The following POLE2 variants were observed in gnomAD, a reference collection of about 807,000 sequenced individuals.
POLE2 encodes the protein DNA polymerase epsilon 2, accessory subunit, also known as DNA polymerase epsilon subunit 2.
A neutral mutation model predicts 79.4 loss-of-function variants in POLE2; 56 were observed. The ratio of observed to expected loss-of-function variants is 0.71; its 90% confidence interval spans 0.57 to 0.88. POLE2 has a LOEUF of 0.88. Ranked by LOEUF, POLE2 falls within the 40% of genes least tolerant of loss-of-function variation. The probability of loss-of-function intolerance (pLI) is 0.00; values close to 1 mark genes in which losing one functional copy is unlikely to be tolerated. For synonymous variants in POLE2, 212 were observed against 214.0 expected, an observed-to-expected ratio of 0.99 and a Z score of 0.08; for missense variants, 598 against 638.9, an observed-to-expected ratio of 0.94 and a Z score of 0.69.
chr14:49,674,204 G>T lies in POLE2; in HGVS notation c.336C>A (p.Thr112=). ...ERKKFLPLLM[T]NHPAPNLFGT... Reference sequence around the variant, plus strand: ...CAAATAAATTTGGTGCAGGGTGGTTGGTCATTAACAGACTAGAAAAAGAGA... The same window carrying T: ...CAAATAAATTTGGTGCAGGGTGGTTTGTCATTAACAGACTAGAAAAAGAGA... Residue 112 remains threonine (T), a synonymous_variant, in exon 5 of 19, where the codon ACC becomes ACA. Transcript: ENST00000216367. 1 of 1,609,548 alleles carries T rather than the reference G, an allele frequency of 6.2e-7. No individual in the cohort carries two copies. Among genetic ancestry groups the T allele is most frequent in the Non-Finnish European group, 8.5e-7 (1 of 1,176,068 alleles).
At chr14:49,661,190 C>T (rs1341467699) in intron 10 of POLE2, among the ~76,000 whole-genome samples, 1 of 150,782 alleles carries the variant, frequency 6.6e-6, no homozygotes, top group Non-Finnish European at 1.5e-5. Context: ...CAAATCGACA[C>T]TTCTTAACCT....
intron 3 of POLE2, among the ~76,000 whole-genome samples, chr14:49,678,145 A>G (rs1348080191): frequency 6.6e-6 from 1 of 151,912 alleles, no homozygotes; most frequent in Non-Finnish European, 1.5e-5. Context: ...GACTACAGGC[A>G]TGCACCACCA....
At chr14:49,674,823 C>G (rs918410120) in intron 3 of POLE2, among the ~76,000 whole-genome samples, 1 of 152,150 alleles carries the variant, frequency 6.6e-6, no homozygotes, top group Non-Finnish European at 1.5e-5. Context: ...ACCTCGGCCT[C>G]CCAAAGTACT....
At chr14:49,655,875 T>C in intron 10 of POLE2, 32 bp from the exon 11 acceptor site, 1 of 1,075,702 alleles carries the variant, frequency 9.3e-7, no homozygotes, top group Non-Finnish European at 1.4e-6. Context: ...ATCTTCTATA[T>C]ACCACTAGAG....
chr14:49,666,292 C>T, intron 7 of POLE2, 38 bp downstream of exon 7: 1 of 1,046,414 alleles, frequency 9.6e-7, no homozygotes, highest in South Asian at 1.4e-5. Flanking sequence ...TTCATCAATC[C>T]AAGGCCAAAA....
At chr14:49,661,385 C>T (rs1226910371) in intron 10 of POLE2, among the ~76,000 whole-genome samples, 1 of 152,028 alleles carries the variant, frequency 6.6e-6, no homozygotes, top group African/African-American at 2.4e-5. Flanking sequence ...TTCAAAGGTA[C>T]AGTAATAATT....
In POLE2 at chr14:49,674,142, C is replaced by T. The variant is rs773570956; in HGVS notation, c.398G>A (p.Arg133Gln). ...ACTTACCTGGTGCAAAATGGTATAT[C>T]GCTCACGAAACATCTCTGCTTTATC... ...PRDKAEMFRE[R>Q]YTILHQRTHR... Residue 133 changes from arginine to glutamine, a missense_variant, in exon 5 of 19, where the codon CGA becomes CAA. Physicochemically the swap from Arg to Gln is conservative, Grantham distance 43. Coordinates refer to ENST00000216367, the MANE Select transcript of POLE2 (RefSeq NM_002692.4). 2.5e-6 allele frequency: 4 copies of T among 1,611,894 alleles called. No homozygotes were observed. Among genetic ancestry groups the T allele is most frequent in the Admixed American group, 1.7e-5 (1 of 59,998 alleles).
intron 3 of POLE2, chr14:49,677,641 C>G: frequency 1.5e-6 from 1 of 675,878 alleles, no homozygotes; most frequent in Non-Finnish European, 2.5e-6. Flanking sequence ...GGTCCCTGGG[C>G]TGTGTGATAT....
At chr14:49,687,305 CACACACA>C (rs1887221693) in intron 1 of POLE2, among the ~76,000 whole-genome samples, 1 of 122,338 alleles carries the variant, frequency 8.2e-6, no homozygotes, top group African/African-American at 3.5e-5. Context: ...ACACACCACA[CACACACA>C]CACACACACA....
Position 49,664,677 on chromosome 14 carries a change from A to G in POLE2, c.634-3T>C, listed in dbSNP as rs564662100. ...GTGTATAAACCACTATGGAACTGGT[A>G]CACAACAGTTGAGGAAAATAATTCT... is the stretch of plus-strand genomic sequence containing the variant. On this transcript the variant is annotated splice_region_variant and splice_polypyrimidine_tract_variant and intron_variant, in intron 8 of 18. Coordinates refer to ENST00000216367, the MANE Select transcript of POLE2 (RefSeq NM_002692.4). 22 of 1,569,638 alleles carry G rather than the reference A, an allele frequency of 1.4e-5. No homozygotes were observed. The South Asian group carries it at 2.4e-4, about 17-fold the overall frequency.
intron 2 of POLE2, among the ~76,000 whole-genome samples, chr14:49,682,510 A>G (rs2139692063): frequency 6.6e-6 from 1 of 150,650 alleles, no homozygotes; most frequent in African/African-American, 2.4e-5. Flanking sequence ...GGTGGCGCAC[A>G]CCTGTAATCC....
At position 49,646,302 on chromosome 14, in the gene POLE2, G is replaced by GTTTTTTTTTTTTTT. The variant is rs1162033821; in HGVS notation, c.1565+977_1565+990dup. Among the ~76,000 whole-genome samples the GTTTTTTTTTTTTTT allele has an allele frequency of 3.5e-4, 30 of 84,576 alleles. 1 individual carries two copies. The highest frequency in any genetic ancestry group is 4.7e-4 in the African/African-American group (8 of 16,968). The allele number at this position is 84,576 out of a possible 152,430, so 55.5% of individuals were successfully genotyped here. ...GATTTGGTCAGTTGTTTTTTTGTTG[G>GTTTTTTTTTTTTTT]TTTTTTTTTTTTTTTTTTTTTTTTT... On this transcript the variant is annotated intron_variant, in intron 18 of 18. Transcript: ENST00000216367.
rs562839707 is a variant in POLE2, at chr14:49,683,460, G to GCTA, written c.169+130_169+132dup. On this transcript the variant is annotated intron_variant, in intron 2 of 18. Coordinates refer to ENST00000216367, the MANE Select transcript of POLE2 (RefSeq NM_002692.4). ...AAGGTATTACCCCTTGGGAAGAAAT[G>GCTA]CTACCATGCATACATCTTATAACAC... 2.5e-3 allele frequency: 1,201 copies of GCTA among 484,204 alleles called. 2 individuals carry two copies. The highest frequency in any genetic ancestry group is 3.7e-3 in the Non-Finnish European group (1,017 of 276,462). The allele number at this position is 484,204 out of a possible 1,614,324, so 30.0% of individuals were successfully genotyped here.
intron 1 of POLE2, among the ~76,000 whole-genome samples, chr14:49,685,863 G>A (rs1887098966): frequency 6.6e-6 from 1 of 151,612 alleles, no homozygotes; most frequent in South Asian, 2.1e-4. Context: ...TCCTGACCTC[G>A]TGATCCGCCC....
chr14:49,651,101 G>A (rs560636197), intron 16 of POLE2, among the ~76,000 whole-genome samples, 168 bp downstream of exon 16: 5 of 152,302 alleles, frequency 3.3e-5, no homozygotes, highest in African/African-American at 1.2e-4. Context: ...AGAAAGCTGA[G>A]AAACACTGAC....
In POLE2 at chr14:49,655,005, C is replaced by A; in HGVS notation, c.1018G>T (p.Asp340Tyr). ...TTCTTATTAAATAGATCGTTAATAC[C>A]TTTCAAAGCTTGAACTTGATTTTTT... is the stretch of plus-strand genomic sequence containing the variant. ...YGKNQVQALK[D>Y]SLKTLADIIC... is the part of the protein sequence containing the mutation. The change falls in exon 12 of 19, where the codon GAT (aspartate) becomes TAT (tyrosine). Residue 340 changes from aspartate to tyrosine, a missense_variant and splice_region_variant. Coordinates refer to ENST00000216367, the MANE Select transcript of POLE2 (RefSeq NM_002692.4). 2 of 1,548,442 alleles carry A rather than the reference C, an allele frequency of 1.3e-6. No individual in the cohort carries two copies. The highest frequency in any genetic ancestry group is 1.8e-5 in the Admixed American group (1 of 54,428).
At chr14:49,663,289 A>G (rs950534303) in intron 10 of POLE2, 26 bp downstream of exon 10, 3 of 1,282,296 alleles carry the variant, frequency 2.3e-6, no homozygotes, top group Non-Finnish European at 3.3e-6. Flanking sequence ...AAATTCCCAT[A>G]GAGTATAAAC....
At position 49,650,350 on chromosome 14, in the gene POLE2, ACT is replaced by A; in HGVS notation, c.1410_1411del (p.Arg470SerfsTer15). The A allele has an allele frequency of 6.2e-7, 1 of 1,611,346 alleles. No homozygotes were observed. The highest frequency in any genetic ancestry group is 8.5e-7 in the Non-Finnish European group (1 of 1,178,298). ...GACAAGTAGATCGGGCACAGGATAC[ACT>A]CTCAAAGCATAGTCATATGCCCAAT... is the stretch of plus-strand genomic sequence containing the variant. On this transcript the variant is annotated frameshift_variant, in exon 17 of 19. Transcript: ENST00000216367. LOFTEE classifies it high-confidence loss of function.
intron 7 of POLE2, 117 bp downstream of exon 7, chr14:49,666,213 G>C: frequency 3.1e-6 from 2 of 644,270 alleles, no homozygotes; most frequent in Non-Finnish European, 5.6e-6. Context: ...TTGTTCTGTT[G>C]GTGAGGCGAG....
Sources: allele counts gnomAD v4.1 joint callset (sites outside exome capture counted in the v4.1 genomes callset), GRCh38; gene constraint gnomAD v4.1.1; transcripts MANE v1.5; gene names NCBI Gene and HGNC (gene_info 2026-07-23, HGNC 2026-07-21).